Variants in TCF4 observed in about 807,000 individuals in gnomAD.
TCF4 encodes SL3-3 enhancer factor 2.
A neutral mutation model predicts 82.1 loss-of-function variants in TCF4; 3 were observed. The observed-to-expected ratio is 0.04, with a 90% confidence interval of 0.02 to 0.09. TCF4 has a LOEUF of 0.09. Ranked by LOEUF, TCF4 falls within the 10% of genes least tolerant of loss-of-function variation. TCF4 has a pLI of 1.00. For synonymous variants in TCF4, 276 were observed against 309.6 expected (o/e 0.89, Z 1.14); for missense variants, 518 against 852.7 (o/e 0.61, Z 4.89).
chr18:55,386,787 C>A (rs894117123), intron 6 of TCF4, among the ~76,000 whole-genome samples: 2 of 152,200 alleles, frequency 1.3e-5, no homozygotes, highest in African/African-American at 4.8e-5. Context: ...ATTTCTCTTT[C>A]ACCAGTTGAA....
At chr18:55,341,527 G>A (rs1190184554) in intron 8 of TCF4, among the ~76,000 whole-genome samples, 1 of 152,144 alleles carries the variant, frequency 6.6e-6, no homozygotes, top group Non-Finnish European at 1.5e-5. Flanking sequence ...GCAGGTTTGT[G>A]ACCTAACCAA....
At chr18:55,621,629 A>C (rs1207963083) in intron 2 of TCF4, among the ~76,000 whole-genome samples, 1 of 75,758 alleles carries the variant, frequency 1.3e-5, no homozygotes, top group East Asian at 3.3e-4. Context: ...TATATATAAT[A>C]TATATATTAT....
chr18:55,510,718 G>A (rs1253330523), intron 3 of TCF4: 7 of 1,411,718 alleles, frequency 5.0e-6, no homozygotes, highest in Non-Finnish European at 6.5e-6. Context: ...TTCTTTTAAG[G>A]GGCCTTCCTT....
rs559808814 is a variant in TCF4 at position 55,398,025 on chromosome 18, C to T, written c.369+5429G>A. Among the ~76,000 whole-genome samples, 12 of 152,114 alleles carry T rather than the reference C, an allele frequency of 7.9e-5. 1 individual carries two copies. In the East Asian group the frequency reaches 9.7e-4, roughly 12 times the overall value. On this transcript the variant is annotated intron_variant, in intron 6 of 19. Coordinates refer to ENST00000354452, the MANE Select transcript of TCF4 (RefSeq NM_001083962.2). Reference sequence around the variant, plus strand: ...AAAATAAAAATAAATAAATAGAGCTCGATTTTCCCCGTTAACATCCAGGAA... The same window carrying T: ...AAAATAAAAATAAATAAATAGAGCTTGATTTTCCCCGTTAACATCCAGGAA...
At chr18:55,389,655 G>C (rs528266174) in intron 6 of TCF4, among the ~76,000 whole-genome samples, 44 of 152,248 alleles carry the variant, frequency 2.9e-4, no homozygotes, top group African/African-American at 9.6e-4. Context: ...GATGTGAATG[G>C]TGAGTACGAA....
intron 10 of TCF4, among the ~76,000 whole-genome samples, chr18:55,271,099 T>C (rs973654101): frequency 1.3e-5 from 2 of 152,058 alleles, no homozygotes; most frequent in Non-Finnish European, 2.9e-5. Flanking sequence ...AATGAAACCA[T>C]AGTCTCTTGA....
chr18:55,504,138 G>A (rs193281186), intron 3 of TCF4, among the ~76,000 whole-genome samples: 14 of 152,230 alleles, frequency 9.2e-5, no homozygotes, highest in South Asian at 8.3e-4. Flanking sequence ...ATATGTATTC[G>A]TTCTGCAACA....
intron 6 of TCF4, among the ~76,000 whole-genome samples, chr18:55,356,578 A>C (rs990211716): frequency 6.6e-6 from 1 of 152,200 alleles, no homozygotes; most frequent in Non-Finnish European, 1.5e-5. Flanking sequence ...ATATACAAAA[A>C]TAAGAAATGT....
chr18:55,602,794 A>G (rs2097698521), intron 2 of TCF4, among the ~76,000 whole-genome samples: 1 of 152,238 alleles, frequency 6.6e-6, no homozygotes, highest in South Asian at 2.1e-4. Flanking sequence ...AAAAATTGTA[A>G]TTGCAGACAC....
chr18:55,624,734 C>T (rs191476559), intron 2 of TCF4, among the ~76,000 whole-genome samples: 29 of 152,318 alleles, frequency 1.9e-4, no homozygotes, highest in Admixed American at 9.1e-4. Flanking sequence ...GCAGCTCTCC[C>T]TCTAGCTATG....
intron 15 of TCF4, among the ~76,000 whole-genome samples, chr18:55,237,106 G>C (rs1020555529): frequency 1.1e-4 from 17 of 152,152 alleles, no homozygotes; most frequent in Non-Finnish European, 2.4e-4. Context: ...ATGACAACTG[G>C]TATGTAATAG....
intron 6 of TCF4, among the ~76,000 whole-genome samples, chr18:55,397,220 A>C (rs1352229043): frequency 1.3e-5 from 2 of 152,218 alleles, no homozygotes; most frequent in African/African-American, 4.8e-5. Flanking sequence ...GTTGGAATGT[A>C]ATTTGATATA....
chr18:55,409,109 C>T (rs1603450061), intron 5 of TCF4, among the ~76,000 whole-genome samples: 1 of 152,110 alleles, frequency 6.6e-6, no homozygotes. Context: ...CATTTCTACA[C>T]CTCTATGTGA....
intron 8 of TCF4, among the ~76,000 whole-genome samples, chr18:55,337,386 G>A (rs966203541): frequency 1.3e-5 from 2 of 152,164 alleles, no homozygotes; most frequent in Admixed American, 1.3e-4. Flanking sequence ...ACCATTTGGT[G>A]TTCACTAAAC....
At chr18:55,371,099 G>A (rs766133106) in intron 6 of TCF4, among the ~76,000 whole-genome samples, 1 of 152,122 alleles carries the variant, frequency 6.6e-6, no homozygotes, top group African/African-American at 2.4e-5. Context: ...AGACATATAT[G>A]GTGTGACTAG....
At chr18:55,458,549 T>C (rs761226397) in intron 5 of TCF4, among the ~76,000 whole-genome samples, 1 of 152,232 alleles carries the variant, frequency 6.6e-6, no homozygotes, top group Admixed American at 6.5e-5. Flanking sequence ...TTGAAAATGA[T>C]CTATCTTTTC....
intron 3 of TCF4, among the ~76,000 whole-genome samples, chr18:55,554,110 T>C (rs1300063638): frequency 1.3e-5 from 2 of 152,026 alleles, no homozygotes; most frequent in East Asian, 3.8e-4. Flanking sequence ...CTAAAAGAAA[T>C]CTCAAAGTCA....
chr18:55,445,538 C>T (rs2095511004), intron 5 of TCF4, among the ~76,000 whole-genome samples: 1 of 152,086 alleles, frequency 6.6e-6, no homozygotes. Context: ...TTCACTATCA[C>T]AAGAACAGCA....
chr18:55,602,030 T>C (rs2097697609), intron 2 of TCF4, among the ~76,000 whole-genome samples: 1 of 152,222 alleles, frequency 6.6e-6, no homozygotes, highest in Non-Finnish European at 1.5e-5. Context: ...TGTCATGCCA[T>C]GTTTTCACAT....
Sources: allele counts gnomAD v4.1 joint callset (sites outside exome capture counted in the v4.1 genomes callset), GRCh38; gene constraint gnomAD v4.1.1; transcripts MANE v1.5; gene names NCBI Gene and HGNC (gene_info 2026-07-23, HGNC 2026-07-21).